BABAM2: variants seen among roughly 807,000 people sequenced by gnomAD.
The protein encoded by BABAM2 is BRISC and BRCA1-A complex member 2.
In BABAM2, 31 loss-of-function variants were observed where a neutral mutation model predicts 54.7. The observed-to-expected ratio is 0.57, with a 90% CI of 0.43 to 0.77. The LOEUF is 0.77. Ranked by LOEUF, BABAM2 falls within the 30% of genes least tolerant of loss-of-function variation. The pLI is 0.00. For missense variants in BABAM2, 364 were observed against 455.8 expected (o/e 0.80, Z 1.83); for synonymous variants, 167 against 162.9 (o/e 1.03, Z -0.19).
At chr2:28,204,565 T>C (rs902026721) in intron 7 of BABAM2, among the ~76,000 whole-genome samples, 17 of 152,158 alleles carry the variant, frequency 1.1e-4, no homozygotes, top group African/African-American at 4.1e-4. Context: ...TCATTTCAAA[T>C]GCCCAGATAA....
At chr2:28,259,419 G>A (rs547245306) in intron 10 of BABAM2, among the ~76,000 whole-genome samples, 1 of 152,190 alleles carries the variant, frequency 6.6e-6, no homozygotes, top group African/African-American at 2.4e-5. Flanking sequence ...ATGAGGTCTT[G>A]CTATGCTGCC....
At chr2:28,047,109 C>T (rs181466956) in intron 6 of BABAM2, among the ~76,000 whole-genome samples, 7 of 152,196 alleles carry the variant, frequency 4.6e-5, no homozygotes, top group Non-Finnish European at 8.8e-5. Flanking sequence ...ATTAAACTTT[C>T]GTTTTTAGTT....
intron 3 of BABAM2, among the ~76,000 whole-genome samples, chr2:27,987,394 T>A (rs1019799918): frequency 2.0e-5 from 3 of 152,240 alleles, no homozygotes; most frequent in African/African-American, 7.2e-5. Flanking sequence ...GACAGTAATG[T>A]TACCTGTAAA....
intron 6 of BABAM2, among the ~76,000 whole-genome samples, chr2:28,065,768 C>T (rs576173721): frequency 3.3e-5 from 5 of 152,172 alleles, no homozygotes; most frequent in East Asian, 3.9e-4. Flanking sequence ...AAACCTAGGA[C>T]ATGAAATTTA....
At chr2:28,039,842 T>G (rs1318275373) in intron 5 of BABAM2, among the ~76,000 whole-genome samples, 3 of 152,242 alleles carry the variant, frequency 2.0e-5, no homozygotes, top group Non-Finnish European at 4.4e-5. Context: ...CACATATTTA[T>G]TGCTAATGCT....
chr2:28,119,746 C>G (rs890369959), intron 6 of BABAM2, among the ~76,000 whole-genome samples: 2 of 152,076 alleles, frequency 1.3e-5, no homozygotes, highest in Non-Finnish European at 2.9e-5. Context: ...AAAACTTACC[C>G]TATTCTGTAT....
rs537680201 is a variant in BABAM2, at chr2:27,917,000, A to G, written c.129-12832A>G. On this transcript the variant is annotated intron_variant, in intron 2 of 11. Transcript: ENST00000379624. ...AATCCTTTGTGTAACTCTTATAGCA[A>G]TAATCACTCCAAACTTTTTTTTTTT... Among the ~76,000 whole-genome samples, 109 of 149,284 alleles carry G rather than the reference A, an allele frequency of 7.3e-4. 1 individual carries two copies. In the South Asian group the frequency reaches 0.018, roughly 24 times the overall value.
At chr2:28,037,062 T>C (rs1403867080) in intron 5 of BABAM2, among the ~76,000 whole-genome samples, 1 of 152,212 alleles carries the variant, frequency 6.6e-6, no homozygotes, top group East Asian at 1.9e-4. Context: ...CTTTTAGTTT[T>C]TTTTAAATTC....
chr2:28,171,623 A>G (rs553807694), intron 7 of BABAM2, among the ~76,000 whole-genome samples: 2 of 152,254 alleles, frequency 1.3e-5, no homozygotes, highest in South Asian at 4.2e-4. Flanking sequence ...AGGGAAATCC[A>G]TTGTGTTCTG....
intron 11 of BABAM2, among the ~76,000 whole-genome samples, chr2:28,323,215 G>A (rs1002171093): frequency 5.9e-5 from 9 of 152,208 alleles, no homozygotes; most frequent in Non-Finnish European, 1.2e-4. Context: ...ATGAGTGTGT[G>A]AATATTTAGT....
intron 7 of BABAM2, among the ~76,000 whole-genome samples, chr2:28,204,245 AT>A (rs1678585764): frequency 6.6e-6 from 1 of 152,120 alleles, no homozygotes; most frequent in South Asian, 2.1e-4. Flanking sequence ...AGAAATCCTT[AT>A]TATTTATCCT....
In BABAM2 at chr2:28,175,907, C is replaced by A. The variant is rs929649643; in HGVS notation, c.680+46527C>A. 3.9e-5 allele frequency among the ~76,000 whole-genome samples: 6 copies of A among 152,318 alleles called. No individual in the cohort carries two copies. The South Asian group carries it at 8.3e-4, about 21-fold the overall frequency. On this transcript the variant is annotated intron_variant, in intron 7 of 11. Coordinates refer to ENST00000379624, the MANE Select transcript of BABAM2 (RefSeq NM_199191.3). ...TGTCCCCATCCCCAACAAAACCTCACCACAGCCTCTACTAACAACTGCAGC... is the reference window on the plus strand; with the variant it reads ...TGTCCCCATCCCCAACAAAACCTCAACACAGCCTCTACTAACAACTGCAGC...
At chr2:28,076,354 T>A (rs1664663746) in intron 6 of BABAM2, among the ~76,000 whole-genome samples, 1 of 152,064 alleles carries the variant, frequency 6.6e-6, no homozygotes, top group African/African-American at 2.4e-5. Context: ...ATAAAACATT[T>A]TAGATAAAAA....
intron 7 of BABAM2, among the ~76,000 whole-genome samples, chr2:28,188,138 TCCATA>T (rs1375711224): frequency 1.3e-5 from 2 of 152,148 alleles, no homozygotes; most frequent in Non-Finnish European, 1.5e-5. Flanking sequence ...CACTGCATGA[TCCATA>T]CCACAATGCC....
chr2:28,264,304 A>G (rs1684792317), intron 10 of BABAM2, among the ~76,000 whole-genome samples: 1 of 152,214 alleles, frequency 6.6e-6, no homozygotes, highest in African/African-American at 2.4e-5. Context: ...TTCCTTTTCT[A>G]GAGGAACTCA....
intron 10 of BABAM2, among the ~76,000 whole-genome samples, chr2:28,287,202 C>A (rs1686896409): frequency 6.6e-6 from 1 of 152,084 alleles, no homozygotes; most frequent in Admixed American, 6.6e-5. Flanking sequence ...AGACTTTGCC[C>A]AATTTTTAAA....
chr2:28,123,873 G>A (rs886668589), intron 6 of BABAM2, among the ~76,000 whole-genome samples: 3 of 152,172 alleles, frequency 2.0e-5, no homozygotes, highest in Admixed American at 6.5e-5. Flanking sequence ...GATGATAAAT[G>A]TTGATTATAT....
At chr2:28,275,703 A>C (rs1293435452) in intron 10 of BABAM2, among the ~76,000 whole-genome samples, 2 of 152,162 alleles carry the variant, frequency 1.3e-5, no homozygotes, top group Non-Finnish European at 2.9e-5. Flanking sequence ...AATTTCACAG[A>C]TCAGGATTTT....
At chr2:28,317,177 G>A (rs554051163) in intron 11 of BABAM2, among the ~76,000 whole-genome samples, 20 of 152,284 alleles carry the variant, frequency 1.3e-4, no homozygotes, top group African/African-American at 2.4e-4. Flanking sequence ...GCTCATGGCC[G>A]TCCCCATTAG....
Sources: gnomAD v4.1 joint callset for allele counts (sites outside exome capture counted in the v4.1 genomes callset) on GRCh38, gnomAD v4.1.1 for gene constraint, MANE v1.5 for transcripts, NCBI Gene and HGNC (gene_info 2026-07-23, HGNC 2026-07-21) for gene names.